The following IFT74 variants were observed in gnomAD, a reference collection of about 807,000 sequenced individuals.
IFT74 encodes intraflagellar transport protein 74 homolog.
In IFT74, 92 loss-of-function variants were observed where a neutral mutation model predicts 96.7. The observed-to-expected ratio is 0.95, with a 90% CI of 0.80 to 1.13. The LOEUF (loss-of-function observed/expected upper bound fraction) is 1.13. Among genes scored for constraint, IFT74 ranks in the 50% most tolerant of loss-of-function variants. The probability of loss-of-function intolerance (pLI) is 0.00; values close to 1 mark genes in which losing one functional copy is unlikely to be tolerated. For missense variants in IFT74, 811 were observed against 698.2 expected, an observed-to-expected ratio of 1.16 and a Z score of -1.82; for synonymous variants, 223 against 213.2, an observed-to-expected ratio of 1.05 and a Z score of -0.40.
At chr9:27,043,941 A>G (rs757091123) in intron 13 of IFT74, among the ~76,000 whole-genome samples, 2 of 152,192 alleles carry the variant, frequency 1.3e-5, no homozygotes, top group Non-Finnish European at 2.9e-5. Context: ...CCAGACTGGA[A>G]ATATTTTTCA....
intron 8 of IFT74, chr9:26,998,168 A>T (rs1828271168): frequency 1.3e-6 from 2 of 1,591,362 alleles, no homozygotes; most frequent in South Asian, 2.3e-5. Flanking sequence ...ACTGAGATCA[A>T]GTATAGTAAC....
At chr9:27,062,567 C>T (rs1157299304) in intron 19 of IFT74, 51 bp from the exon 20 acceptor site, 1 of 981,968 alleles carries the variant, frequency 1.0e-6, no homozygotes, top group Admixed American at 2.2e-5. Context: ...CTTTCTCAGG[C>T]ACAATTAGAT....
intron 4 of IFT74, among the ~76,000 whole-genome samples, chr9:26,981,322 C>T (rs1246611699): frequency 1.3e-5 from 2 of 152,162 alleles, no homozygotes; most frequent in African/African-American, 4.8e-5. Flanking sequence ...TCACAGCTCA[C>T]TGCAACCTTG....
At chr9:27,025,653 C>A (rs1829831809) in intron 12 of IFT74, among the ~76,000 whole-genome samples, 1 of 151,982 alleles carries the variant, frequency 6.6e-6, no homozygotes. Flanking sequence ...TTAGCAGAAA[C>A]CCTACAAGCT....
chr9:26,998,315 G>A (rs1373748543), intron 8 of IFT74: 1 of 920,846 alleles, frequency 1.1e-6, no homozygotes, highest in African/African-American at 1.7e-5. Context: ...TCATATTTAA[G>A]CACTTAGACA....
chr9:26,960,421 A>G (rs929456529), intron 1 of IFT74, among the ~76,000 whole-genome samples: 3 of 152,206 alleles, frequency 2.0e-5, no homozygotes, highest in Non-Finnish European at 4.4e-5. Flanking sequence ...GTGTAAATTT[A>G]TGTAAATATA....
At chr9:26,997,842 C>G (rs1015322937) in intron 8 of IFT74, 6 of 1,614,034 alleles carry the variant, frequency 3.7e-6, no homozygotes, top group Non-Finnish European at 5.1e-6. Flanking sequence ...GGTGGTACAT[C>G]CAAATAGCTA....
At chr9:26,987,054 T>C (rs1487128193) in intron 6 of IFT74, among the ~76,000 whole-genome samples, 1 of 152,202 alleles carries the variant, frequency 6.6e-6, no homozygotes, top group African/African-American at 2.4e-5. Context: ...TTTTTTTGTT[T>C]TTTTGTTCTT....
chr9:26,999,640 A>T, intron 8 of IFT74: 1 of 1,608,834 alleles, frequency 6.2e-7, no homozygotes, highest in Non-Finnish European at 8.5e-7. Context: ...ATTTTGTCTG[A>T]TAATAATATC....
intron 19 of IFT74, among the ~76,000 whole-genome samples, chr9:27,061,169 G>C (rs1012398158): frequency 2.0e-5 from 3 of 149,112 alleles, no homozygotes; most frequent in Non-Finnish European, 4.4e-5. Context: ...GTGTGTGTGT[G>C]CGCACGCACG....
At chr9:26,976,754 T>G (rs1360619836) in intron 2 of IFT74, 2 of 455,920 alleles carry the variant, frequency 4.4e-6, no homozygotes, top group African/African-American at 4.0e-5. Flanking sequence ...CCTTGCCATA[T>G]CTCACATCTT....
chr9:26,958,907 A>G (rs887411668), intron 1 of IFT74, among the ~76,000 whole-genome samples: 10 of 152,216 alleles, frequency 6.6e-5, no homozygotes, highest in African/African-American at 2.2e-4. Flanking sequence ...AAGGAGACAG[A>G]AAAAAGAACC....
chr9:26,979,437 A>G (rs981051263), intron 3 of IFT74, among the ~76,000 whole-genome samples: 2 of 152,120 alleles, frequency 1.3e-5, no homozygotes, highest in Admixed American at 6.6e-5. Context: ...CCTTCAAAAC[A>G]GAACCAATAT....
chr9:27,032,488 G>A (rs1830172522), intron 13 of IFT74, among the ~76,000 whole-genome samples: 2 of 151,936 alleles, frequency 1.3e-5, no homozygotes, highest in Non-Finnish European at 2.9e-5. Context: ...TTTTTTGTGT[G>A]TTTTGCCTTA....
intron 9 of IFT74, among the ~76,000 whole-genome samples, chr9:27,011,645 G>GTTTT (rs56762171): frequency 1.5e-5 from 2 of 133,650 alleles, no homozygotes; most frequent in Non-Finnish European, 3.3e-5. Flanking sequence ...AACTCATGAA[G>GTTTT]TTTTTTTTTT....
rs201441697 is a variant in IFT74 at position 27,060,618 on chromosome 9, C to T, written c.1651C>T (p.His551Tyr). ...TACAAATTTGGAGAGAAAGTGGCAACACCTTGAGCAAAATAATTTTGCGAT... is the reference window on the plus strand; with the variant it reads ...TACAAATTTGGAGAGAAAGTGGCAATACCTTGAGCAAAATAATTTTGCGAT... ...QLTNLERKWQ[H>Y]LEQNNFAMKE... is the part of the protein sequence containing the mutation. Residue 551 changes from histidine to tyrosine, a missense_variant, in exon 19 of 20, where the codon CAC (histidine) becomes TAC (tyrosine). His to Tyr is a moderately conservative substitution (Grantham distance 83). Coordinates refer to ENST00000380062, the MANE Select transcript of IFT74 (RefSeq NM_025103.4). The T allele has an allele frequency of 8.0e-5, 127 of 1,594,444 alleles. No individual in the cohort carries two copies. In the East Asian group the frequency reaches 2.7e-3, roughly 33 times the overall value.
At chr9:27,028,956 C>T (rs1335832349) in intron 12 of IFT74, 69 bp from the exon 13 acceptor site, 2 of 1,371,162 alleles carry the variant, frequency 1.5e-6, no homozygotes, top group Non-Finnish European at 2.0e-6. Context: ...GATATCTAAC[C>T]TCCCCATCAA....
chr9:27,012,238 T>C (rs974616125), intron 10 of IFT74, among the ~76,000 whole-genome samples: 4 of 152,164 alleles, frequency 2.6e-5, no homozygotes, highest in African/African-American at 9.7e-5. Flanking sequence ...AATTATTTTT[T>C]TAGAGACAGA....
At chr9:26,979,854 A>G (rs948122718) in intron 3 of IFT74, among the ~76,000 whole-genome samples, 2 of 151,586 alleles carry the variant, frequency 1.3e-5, no homozygotes, top group Admixed American at 1.3e-4. Context: ...CTGGGCTTAC[A>G]GGCACATGCC....
Sources: gnomAD v4.1 joint callset for allele counts (sites outside exome capture counted in the v4.1 genomes callset) on GRCh38, gnomAD v4.1.1 for gene constraint, MANE v1.5 for transcripts, NCBI Gene and HGNC (gene_info 2026-07-23, HGNC 2026-07-21) for gene names.